TBCK: variants seen among roughly 807,000 people sequenced by gnomAD.
TBCK encodes TBC domain-containing protein kinase-like protein.
In TBCK, 99 loss-of-function variants were observed where a neutral mutation model predicts 113.4. That is an observed-to-expected ratio of 0.87 (90% CI 0.74 to 1.03). TBCK has a LOEUF of 1.03. Among genes scored for constraint, TBCK ranks in the 50% least tolerant of loss-of-function variants. The probability of loss-of-function intolerance (pLI) is 0.00; values close to 1 mark genes in which losing one functional copy is unlikely to be tolerated. For synonymous variants in TBCK, 369 were observed against 370.8 expected, an observed-to-expected ratio of 1.00 and a Z score of 0.05; for missense variants, 1,045 against 1,061.3, an observed-to-expected ratio of 0.98 and a Z score of 0.21.
At chr4:106,270,751 A>C (rs1247814883) in intron 3 of TBCK, among the ~76,000 whole-genome samples, 5 of 152,202 alleles carry the variant, frequency 3.3e-5, no homozygotes, top group African/African-American at 1.2e-4. Context: ...TGGATTGCTT[A>C]TTACAGCATC....
chr4:106,139,344 A>C (rs1246858286), intron 23 of TBCK, among the ~76,000 whole-genome samples: 1 of 142,024 alleles, frequency 7.0e-6, no homozygotes, highest in African/African-American at 2.5e-5. Context: ...TTTCTGGGAA[A>C]TATTCAGCTA....
At chr4:106,126,544 G>C (rs1020536284) in intron 23 of TBCK, among the ~76,000 whole-genome samples, 1 of 152,084 alleles carries the variant, frequency 6.6e-6, no homozygotes, top group African/African-American at 2.4e-5. Context: ...TTCTCCACTT[G>C]ACTTACAGTC....
intron 25 of TBCK, among the ~76,000 whole-genome samples, chr4:106,089,262 A>G (rs1014808868): frequency 2.0e-5 from 3 of 152,154 alleles, no homozygotes; most frequent in Admixed American, 6.6e-5. Context: ...CAACTCTCAC[A>G]TGAATTAGCA....
intron 25 of TBCK, among the ~76,000 whole-genome samples, chr4:106,049,774 A>G (rs1734612313): frequency 6.6e-6 from 1 of 152,062 alleles, no homozygotes. Context: ...CAGTGGTTAT[A>G]AAGTCAGCAG....
intron 22 of TBCK, among the ~76,000 whole-genome samples, chr4:106,184,230 C>T (rs1752750725): frequency 6.6e-6 from 1 of 152,074 alleles, no homozygotes; most frequent in South Asian, 2.1e-4. Context: ...CTATCTTTGT[C>T]AGTACCATGC....
In TBCK at chr4:106,219,331, C is replaced by A. The variant is rs1296630754; in HGVS notation, c.1775-6496G>T. On this transcript the variant is annotated intron_variant, in intron 19 of 25. Transcript: ENST00000394708. ...CACATGTATACGTATGTAACTAACCCGCACAATGTGCACATGTACCCTAAA... is the reference window on the plus strand; with the variant it reads ...CACATGTATACGTATGTAACTAACCAGCACAATGTGCACATGTACCCTAAA... 5.4e-5 allele frequency among the ~76,000 whole-genome samples: 8 copies of A among 149,010 alleles called. No homozygotes were observed. In the East Asian group the frequency reaches 1.2e-3, roughly 22 times the overall value.
intron 25 of TBCK, among the ~76,000 whole-genome samples, chr4:106,074,056 C>A (rs57139070): frequency 0.027 from 4,181 of 152,298 alleles, 188 homozygotes; most frequent in African/African-American, 0.096. Context: ...AATCCCCCAA[C>A]CCCCTGCGTT....
chr4:106,131,972 AT>A (rs1745995818), intron 23 of TBCK, among the ~76,000 whole-genome samples: 1 of 152,206 alleles, frequency 6.6e-6, no homozygotes, highest in African/African-American at 2.4e-5. Flanking sequence ...CTTGATAGAG[AT>A]GATTGAGGGT....
chr4:106,216,561 A>C (rs1360097322), intron 19 of TBCK, among the ~76,000 whole-genome samples: 3 of 152,126 alleles, frequency 2.0e-5, no homozygotes, highest in Non-Finnish European at 4.4e-5. Context: ...CAGAAATACA[A>C]ACTACCATCA....
chr4:106,307,897 A>G (rs563317164), intron 2 of TBCK, among the ~76,000 whole-genome samples: 3 of 152,194 alleles, frequency 2.0e-5, no homozygotes, highest in African/African-American at 7.2e-5. Context: ...TTTTTAACCA[A>G]TAGGGTTCAA....
intron 1 of TBCK, among the ~76,000 whole-genome samples, chr4:106,313,779 C>G (rs921831656): frequency 6.6e-6 from 1 of 152,166 alleles, no homozygotes; most frequent in African/African-American, 2.4e-5. Flanking sequence ...TGAGAAGATT[C>G]AGTGAAGAAA....
At chr4:106,117,038 A>C (rs1430707717) in intron 23 of TBCK, among the ~76,000 whole-genome samples, 2 of 152,114 alleles carry the variant, frequency 1.3e-5, no homozygotes, top group African/African-American at 4.8e-5. Context: ...CCCTGGTGCC[A>C]AAACGGCTGG....
chr4:106,120,720 C>T (rs967473753), intron 23 of TBCK, among the ~76,000 whole-genome samples: 16 of 152,274 alleles, frequency 1.1e-4, no homozygotes, highest in African/African-American at 3.1e-4. Flanking sequence ...ACACCTCACA[C>T]GGCAGGGTAT....
intron 10 of TBCK, among the ~76,000 whole-genome samples, chr4:106,246,483 T>C (rs1196988303): frequency 6.6e-6 from 1 of 152,104 alleles, no homozygotes; most frequent in Non-Finnish European, 1.5e-5. Flanking sequence ...ATAATTCTTA[T>C]CAATAATATT....
chr4:106,197,411 G>GTGTGTGTATATATATA (rs35695611), intron 20 of TBCK, among the ~76,000 whole-genome samples: 9 of 122,446 alleles, frequency 7.4e-5, no homozygotes, highest in East Asian at 4.6e-4. Context: ...GTGTGTGTGT[G>GTGTGTGTATATATATA]TATATATATA....
At chr4:106,085,506 C>T (rs561222990) in intron 25 of TBCK, among the ~76,000 whole-genome samples, 19 of 152,288 alleles carry the variant, frequency 1.2e-4, no homozygotes, top group African/African-American at 4.1e-4. Flanking sequence ...GACTCTGACA[C>T]GATAACAGTG....
intron 2 of TBCK, among the ~76,000 whole-genome samples, chr4:106,296,364 G>A (rs72660520): frequency 0.01 from 1,528 of 152,154 alleles, 8 homozygotes; most frequent in Non-Finnish European, 0.015. Context: ...GACTAGATAA[G>A]GTAAAGGTGC....
chr4:106,192,321 G>A (rs1015050907), intron 22 of TBCK, among the ~76,000 whole-genome samples: 1 of 151,998 alleles, frequency 6.6e-6, no homozygotes, highest in Admixed American at 6.6e-5. Context: ...GCCAGAAAAT[G>A]TATTTTAATC....
chr4:106,094,494 T>A (rs1740687369), intron 25 of TBCK, among the ~76,000 whole-genome samples: 2 of 151,650 alleles, frequency 1.3e-5, no homozygotes, highest in Non-Finnish European at 1.5e-5. Flanking sequence ...ATTTCTCTGA[T>A]TACTAAGAGT....
Sources: allele counts gnomAD v4.1 joint callset (sites outside exome capture counted in the v4.1 genomes callset), GRCh38; gene constraint gnomAD v4.1.1; transcripts MANE v1.5; gene names NCBI Gene and HGNC (gene_info 2026-07-23, HGNC 2026-07-21).